CXADR: variants seen among roughly 807,000 people sequenced by gnomAD.
The protein encoded by CXADR is CXADR cell adhesion molecule.
A neutral mutation model predicts 40.3 loss-of-function variants in CXADR; 20 were observed. That is an observed-to-expected ratio of 0.50 (90% CI 0.35 to 0.72). The LOEUF is 0.72. Among genes scored for constraint, CXADR ranks in the 30% least tolerant of loss-of-function variants. The pLI is 0.01. For missense variants in CXADR, 332 were observed against 449.1 expected (o/e 0.74, Z 2.36); for synonymous variants, 150 against 161.3 (o/e 0.93, Z 0.53).
In CXADR at chr21:17,568,302, G is replaced by A; in HGVS notation, c.*2610G>A. Reference sequence around the variant, plus strand: ...CATCACCACGCTCGGCTAAGTTTTTGTAATTTTAGTAGAGACAGGGTTTCA... The same window carrying A: ...CATCACCACGCTCGGCTAAGTTTTTATAATTTTAGTAGAGACAGGGTTTCA... On this transcript the variant is annotated 3_prime_UTR_variant, in exon 7 of 7. Transcript: ENST00000284878. The A allele has an allele frequency of 3.8e-6, 3 of 796,004 alleles. No homozygotes were observed. Among genetic ancestry groups the A allele is most frequent in the Non-Finnish European group, 4.6e-6 (3 of 657,870 alleles). 49.3% of individuals were successfully genotyped at this position (796,004 alleles called of 1,614,324 possible). A position where few individuals can be genotyped will look rare whatever the true frequency, so the allele number is the denominator to read the frequency against.
At chr21:17,588,006 C>T (rs2061409770) in intron 7 of CXADR, among the ~76,000 whole-genome samples, 1 of 152,024 alleles carries the variant, frequency 6.6e-6, no homozygotes, top group African/African-American at 2.4e-5. Flanking sequence ...TTCCCCATTG[C>T]TTGTTTTTCT....
At chr21:17,615,159 A>G in the CXADR span, among the ~76,000 whole-genome samples, 15 of 152,210 alleles carry the variant, frequency 9.9e-5, no homozygotes, top group Non-Finnish European at 1.8e-4. Flanking sequence ...GTAAGTGGAA[A>G]CATGAGAGAG....
At chr21:17,513,617 GGCT>G (rs775676777) in intron 1 of CXADR, among the ~76,000 whole-genome samples, 6 of 152,232 alleles carry the variant, frequency 3.9e-5, no homozygotes, top group Non-Finnish European at 5.9e-5. Flanking sequence ...CAGGCGGGGA[GGCT>G]GAATTGCAAA....
chr21:17,582,005 A>G (rs2061364057), intron 7 of CXADR, among the ~76,000 whole-genome samples: 2 of 95,950 alleles, frequency 2.1e-5, no homozygotes, highest in African/African-American at 8.5e-5. Flanking sequence ...CAGTGGCACA[A>G]TCTCGGCTCA....
chr21:17,623,739 A>G, the CXADR span, among the ~76,000 whole-genome samples: 1 of 152,028 alleles, frequency 6.6e-6, no homozygotes, highest in Non-Finnish European at 1.5e-5. Flanking sequence ...TTGTTATCTC[A>G]TTATGTCTTT....
chr21:17,619,155 C>T, the CXADR span, among the ~76,000 whole-genome samples: 1 of 152,174 alleles, frequency 6.6e-6, no homozygotes, highest in East Asian at 1.9e-4. Flanking sequence ...CTTAAGGGCC[C>T]TAGGGTTTTC....
At chr21:17,513,371 C>G (rs1056809330) in intron 1 of CXADR, among the ~76,000 whole-genome samples, 199 bp downstream of exon 1, 1 of 151,988 alleles carries the variant, frequency 6.6e-6, no homozygotes, top group Non-Finnish European at 1.5e-5. Context: ...CGTAGGGAGC[C>G]GCGCAGGGCG....
In CXADR at chr21:17,568,312, T is replaced by C. The variant is rs1013987459; in HGVS notation, c.*2620T>C. On this transcript the variant is annotated 3_prime_UTR_variant, in exon 7 of 7. Transcript: ENST00000284878. ...CTCGGCTAAGTTTTTGTAATTTTAG[T>C]AGAGACAGGGTTTCACCGTGTTAGC... is the stretch of plus-strand genomic sequence containing the variant. 2 of 795,872 alleles carry C rather than the reference T, an allele frequency of 2.5e-6. No homozygotes were observed. Among genetic ancestry groups the C allele is most frequent in the Non-Finnish European group, 3.0e-6 (2 of 657,844 alleles). 49.3% of individuals were successfully genotyped at this position (795,872 alleles called of 1,614,324 possible). A position where few individuals can be genotyped will look rare whatever the true frequency, so the allele number is the denominator to read the frequency against.
intron 5 of CXADR, among the ~76,000 whole-genome samples, chr21:17,561,091 A>G (rs1241883491): frequency 2.0e-5 from 3 of 152,240 alleles, no homozygotes; most frequent in African/African-American, 7.2e-5. Context: ...ACATTCTTAT[A>G]TGTTAACCAA....
intron 7 of CXADR, among the ~76,000 whole-genome samples, chr21:17,582,053 CT>C (rs11321420): frequency 1 from 151,925 of 151,926 alleles, 75,962 homozygotes; most frequent in Middle Eastern, 1. Flanking sequence ...AGTGATTCTC[CT>C]TGTCTCAGCC....
At chr21:17,635,940 C>CCA in the CXADR span, among the ~76,000 whole-genome samples, 1 of 152,154 alleles carries the variant, frequency 6.6e-6, no homozygotes, top group African/African-American at 2.4e-5. Flanking sequence ...TCTTAATTGA[C>CCA]TTAGGTCTTC....
At chr21:17,547,694 T>G (rs550719435) in intron 2 of CXADR, among the ~76,000 whole-genome samples, 1 of 152,354 alleles carries the variant, frequency 6.6e-6, no homozygotes, top group East Asian at 1.9e-4. Context: ...ACAGTCTATT[T>G]TCCTTATTTT....
intron 1 of CXADR, among the ~76,000 whole-genome samples, chr21:17,531,200 G>T (rs1029708039): frequency 6.6e-6 from 1 of 152,034 alleles, no homozygotes; most frequent in Non-Finnish European, 1.5e-5. Context: ...TCAGGAGGCT[G>T]AGGCAGGAGA....
intron 1 of CXADR, among the ~76,000 whole-genome samples, chr21:17,529,099 C>T (rs2060637359): frequency 7.1e-6 from 1 of 141,432 alleles, no homozygotes; most frequent in East Asian, 2.1e-4. Flanking sequence ...AGTGCAGTGG[C>T]GCGATCTAGG....
At chr21:17,513,212 CG>C in intron 1 of CXADR, 40 bp downstream of exon 1, 6 of 1,344,576 alleles carry the variant, frequency 4.5e-6, no homozygotes, top group South Asian at 4.2e-5. Flanking sequence ...CCGCCCAGCC[CG>C]GGGGCGCTCG....
intron 1 of CXADR, among the ~76,000 whole-genome samples, chr21:17,534,199 C>T (rs1269153895): frequency 2.1e-5 from 3 of 145,076 alleles, no homozygotes; most frequent in Admixed American, 7.1e-5. Flanking sequence ...CCTCTGCCTC[C>T]GGGTTTCAAG....
At chr21:17,605,237 C>A in the CXADR span, 1 of 349,272 alleles carries the variant, frequency 2.9e-6, no homozygotes. Flanking sequence ...GGGTCTACCT[C>A]AGTCTACCCA....
the CXADR span, among the ~76,000 whole-genome samples, chr21:17,625,747 C>T: frequency 3.9e-5 from 6 of 152,310 alleles, no homozygotes; most frequent in South Asian, 6.2e-4. Context: ...TACATTTCCT[C>T]GTTTAATTAT....
chr21:17,585,592 A>G (rs1434872569), intron 7 of CXADR, among the ~76,000 whole-genome samples: 1 of 152,078 alleles, frequency 6.6e-6, no homozygotes, highest in Admixed American at 6.5e-5. Flanking sequence ...ATCTCGGCTC[A>G]CTGCAACCTC....
Sources: allele counts gnomAD v4.1 joint callset (sites outside exome capture counted in the v4.1 genomes callset), GRCh38; gene constraint gnomAD v4.1.1; transcripts MANE v1.5; gene names NCBI Gene and HGNC (gene_info 2026-07-23, HGNC 2026-07-21).